Variants in SCCPDH observed in about 807,000 individuals in gnomAD.
The protein encoded by SCCPDH is saccharopine dehydrogenase-like oxidoreductase.
Under a neutral mutation model 51.5 loss-of-function variants are expected in SCCPDH, and 34 were observed. That is an observed-to-expected ratio of 0.66 (90% CI 0.50 to 0.88). The LOEUF (loss-of-function observed/expected upper bound fraction) is 0.88, where lower values mean the gene tolerates loss of function less well. Ranked by LOEUF, SCCPDH falls within the 40% of genes least tolerant of loss-of-function variation. SCCPDH has a pLI of 0.00. For synonymous variants in SCCPDH, 187 were observed against 191.3 expected (o/e 0.98, Z 0.19); for missense variants, 464 against 527.1 (o/e 0.88, Z 1.17).
At chr1:246,742,373 T>C (rs1668694568) in intron 4 of SCCPDH, among the ~76,000 whole-genome samples, 1 of 152,186 alleles carries the variant, frequency 6.6e-6, no homozygotes, top group Non-Finnish European at 1.5e-5. Context: ...TTAAGGTTTG[T>C]TTAAAATTTT....
At chr1:246,766,249 A>C (rs1669086081) in intron 11 of SCCPDH, 110 bp downstream of exon 11, 2 of 741,338 alleles carry the variant, frequency 2.7e-6, no homozygotes, top group Non-Finnish European at 4.5e-6. Context: ...TTTATAGTTC[A>C]GTTCCTTTGC....
In SCCPDH at chr1:246,764,354, C is replaced by T. The variant is rs1482746893; in HGVS notation, c.1099C>T (p.Pro367Ser). The change falls in exon 10 of 12, where the codon CCA becomes TCA. Residue 367 changes from proline (P) to serine (S), a missense_variant. Transcript: ENST00000366510. ...NIKICTQVKG[P>S]EAGYVATPIA... Reference sequence around the variant, plus strand: ...CAAAATTTGTACTCAGGTGAAAGGACCAGGTATTTCACATATCACTTAAGA... The same window carrying T: ...CAAAATTTGTACTCAGGTGAAAGGATCAGGTATTTCACATATCACTTAAGA... 2 of 1,577,590 alleles carry T rather than the reference C, an allele frequency of 1.3e-6. No homozygotes were observed. The highest frequency in any genetic ancestry group is 2.7e-5 in the African/African-American group (2 of 74,190).
At chr1:246,764,164 T>G in intron 9 of SCCPDH, 82 bp from the exon 10 acceptor site, 3 of 786,564 alleles carry the variant, frequency 3.8e-6, no homozygotes, top group Non-Finnish European at 6.5e-6. Context: ...ATGTCTCACT[T>G]GAAATAGAAT....
intron 1 of SCCPDH, among the ~76,000 whole-genome samples, chr1:246,724,959 G>A (rs1668370493): frequency 6.6e-6 from 1 of 152,128 alleles, no homozygotes; most frequent in Non-Finnish European, 1.5e-5. Context: ...GCCCCGCAGC[G>A]GGGGCACCTG....
chr1:246,735,625 A>G (rs1194851773), intron 2 of SCCPDH, among the ~76,000 whole-genome samples: 2 of 152,154 alleles, frequency 1.3e-5, no homozygotes, highest in Non-Finnish European at 1.5e-5. Flanking sequence ...TCCACCTTCC[A>G]GGTTCAAACC....
At position 246,764,337 on chromosome 1, in the gene SCCPDH, G is replaced by T. The variant is rs1669059460; in HGVS notation, c.1082G>T (p.Cys361Phe). The T allele has an allele frequency of 6.2e-7, 1 of 1,609,878 alleles. No individual in the cohort carries two copies. The highest frequency in any genetic ancestry group is 1.3e-5 in the African/African-American group (1 of 74,820). Residue 361 changes from cysteine (C) to phenylalanine (F), a missense_variant, in exon 10 of 12, where the codon TGT (cysteine) becomes TTT (phenylalanine). Cys to Phe is a radical substitution (Grantham distance 205, BLOSUM62 -2). Coordinates refer to ENST00000366510, the MANE Select transcript of SCCPDH (RefSeq NM_016002.3). ...TDKNKPNIKI[C>F]TQVKGPEAGY... ...AAGAACAAACCAAATATCAAAATTT[G>T]TACTCAGGTGAAAGGACCAGGTATT...
chr1:246,754,861 G>T (rs1049577959), intron 5 of SCCPDH, among the ~76,000 whole-genome samples: 2 of 152,058 alleles, frequency 1.3e-5, no homozygotes, highest in African/African-American at 4.8e-5. Flanking sequence ...TAGCCAAAAT[G>T]TGTCAGTTTT....
At chr1:246,732,494 TCTC>T (rs1253758527) in intron 2 of SCCPDH, among the ~76,000 whole-genome samples, 1 of 152,082 alleles carries the variant, frequency 6.6e-6, no homozygotes, top group African/African-American at 2.4e-5. Context: ...TTCAAGCAAT[TCTC>T]CTGTCTCAGC....
At chr1:246,747,456 C>T (rs1011268539) in intron 5 of SCCPDH, among the ~76,000 whole-genome samples, 1 of 152,178 alleles carries the variant, frequency 6.6e-6, no homozygotes, top group African/African-American at 2.4e-5. Flanking sequence ...GGGGCCAAAG[C>T]ATGTGGGTCA....
intron 7 of SCCPDH, among the ~76,000 whole-genome samples, chr1:246,759,555 A>G (rs1267062286): frequency 2.0e-5 from 3 of 152,210 alleles, no homozygotes; most frequent in African/African-American, 7.2e-5. Context: ...AATTGCTTTC[A>G]TTGCCGAGAC....
intron 7 of SCCPDH, among the ~76,000 whole-genome samples, chr1:246,759,542 A>G (rs1376125041): frequency 6.6e-6 from 1 of 152,180 alleles, no homozygotes; most frequent in Non-Finnish European, 1.5e-5. Context: ...TGGCGAGGAA[A>G]GTAATTGCTT....
intron 2 of SCCPDH, among the ~76,000 whole-genome samples, chr1:246,729,131 C>T (rs540298085): frequency 9.9e-5 from 15 of 152,196 alleles, no homozygotes; most frequent in African/African-American, 2.4e-4. Context: ...AAAGGCAATA[C>T]GGTATCACAA....
chr1:246,728,230 T>G (rs978859311), intron 2 of SCCPDH, among the ~76,000 whole-genome samples: 9 of 152,356 alleles, frequency 5.9e-5, no homozygotes, highest in African/African-American at 1.9e-4. Flanking sequence ...ATTAAATATC[T>G]AAAATATTAA....
intron 5 of SCCPDH, among the ~76,000 whole-genome samples, chr1:246,751,254 T>C (rs1042775759): frequency 6.6e-6 from 1 of 152,260 alleles, no homozygotes; most frequent in Non-Finnish European, 1.5e-5. Context: ...TATCCAATTT[T>C]AATGTCTGAC....
chr1:246,749,086 G>A (rs1330304866), intron 5 of SCCPDH, among the ~76,000 whole-genome samples: 2 of 152,184 alleles, frequency 1.3e-5, no homozygotes, highest in African/African-American at 4.8e-5. Context: ...TTGACCTCAG[G>A]GAACAGCAGT....
chr1:246,730,429 A>G (rs1448766276), intron 2 of SCCPDH, among the ~76,000 whole-genome samples: 3 of 152,206 alleles, frequency 2.0e-5, no homozygotes, highest in Non-Finnish European at 4.4e-5. Context: ...CTCAGCGTTT[A>G]AGCTTTAGAA....
At chr1:246,740,141 C>T (rs766797100) in intron 3 of SCCPDH, 31 bp from the exon 4 acceptor site, 2 of 1,523,388 alleles carry the variant, frequency 1.3e-6, no homozygotes, top group Admixed American at 3.8e-5. Flanking sequence ...TTCTGCATAA[C>T]TAATTAAAAT....
At position 246,744,063 on chromosome 1, in the gene SCCPDH, C is replaced by A. The variant is rs1668720073; in HGVS notation, c.515-13C>A. The stretch of plus-strand genomic sequence containing the variant: ...ATTTTATTTTGCTTTTTACCATTCT[C>A]CTACTCTTTTAGGTACTTTGACTGC... On this transcript the variant is annotated splice_polypyrimidine_tract_variant and intron_variant, in intron 4 of 11. Coordinates refer to ENST00000366510, the MANE Select transcript of SCCPDH (RefSeq NM_016002.3). 3.2e-6 allele frequency: 5 copies of A among 1,548,770 alleles called. No homozygotes were observed. The East Asian group carries it at 1.1e-4, about 35-fold the overall frequency.
At chr1:246,742,187 C>A (rs1490041371) in intron 4 of SCCPDH, among the ~76,000 whole-genome samples, 1 of 152,202 alleles carries the variant, frequency 6.6e-6, no homozygotes, top group Non-Finnish European at 1.5e-5. Context: ...AATTGAACAT[C>A]TACAAAATAT....
Sources: allele counts gnomAD v4.1 joint callset (sites outside exome capture counted in the v4.1 genomes callset), GRCh38; gene constraint gnomAD v4.1.1; transcripts MANE v1.5; gene names NCBI Gene and HGNC (gene_info 2026-07-23, HGNC 2026-07-21).